Variants in CACNA2D3 observed in about 807,000 individuals in gnomAD.
CACNA2D3 encodes the protein voltage-dependent calcium channel subunit alpha-2/delta-3.
CACNA2D3 carries 60 observed loss-of-function variants against 160.6 expected under a neutral mutation model. The observed-to-expected ratio is 0.37, with a 90% CI of 0.30 to 0.46. The LOEUF (loss-of-function observed/expected upper bound fraction) is 0.46. CACNA2D3 is among the 20% of genes least tolerant of loss of function. CACNA2D3 has a pLI of 1.00. For synonymous variants in CACNA2D3, 558 were observed against 492.9 expected, an observed-to-expected ratio of 1.13 and a Z score of -1.75; for missense variants, 1,205 against 1,365.0, an observed-to-expected ratio of 0.88 and a Z score of 1.85.
intron 4 of CACNA2D3, among the ~76,000 whole-genome samples, chr3:54,390,511 C>T (rs1699261116): frequency 6.6e-6 from 1 of 152,194 alleles, no homozygotes. Flanking sequence ...CCATTGTGGT[C>T]TGAACATAAG....
chr3:55,067,555 A>T (rs1482904896), intron 35 of CACNA2D3, among the ~76,000 whole-genome samples: 1 of 152,228 alleles, frequency 6.6e-6, no homozygotes, highest in Non-Finnish European at 1.5e-5. Flanking sequence ...TGTTTTAAGA[A>T]GACATTAATA....
intron 4 of CACNA2D3, among the ~76,000 whole-genome samples, chr3:54,401,641 A>G (rs565083580): frequency 4.6e-5 from 7 of 152,326 alleles, no homozygotes; most frequent in South Asian, 4.1e-4. Context: ...CAAGAATACT[A>G]TACCCATTAA....
intron 25 of CACNA2D3, chr3:54,894,517 A>G: frequency 2.2e-6 from 1 of 463,938 alleles, no homozygotes; most frequent in South Asian, 1.5e-5. Context: ...CCACCATCTC[A>G]TCTACCATGA....
At chr3:54,729,831 C>T (rs138653522) in intron 11 of CACNA2D3, among the ~76,000 whole-genome samples, 5,498 of 151,990 alleles carry the variant, frequency 0.036, 306 homozygotes, top group African/African-American at 0.13. Context: ...AACCCCATCT[C>T]TACTAAAAAT....
intron 3 of CACNA2D3, among the ~76,000 whole-genome samples, 185 bp downstream of exon 3, chr3:54,320,743 A>G (rs1363050537): frequency 1.3e-5 from 2 of 152,204 alleles, no homozygotes; most frequent in African/African-American, 4.8e-5. Context: ...TGCCCTTTTC[A>G]TAGAGGGTTC....
chr3:54,931,497 A>G (rs911158820), intron 27 of CACNA2D3, among the ~76,000 whole-genome samples: 1 of 152,164 alleles, frequency 6.6e-6, no homozygotes, highest in African/African-American at 2.4e-5. Context: ...AGGTGGCAAG[A>G]CAGCCATGCT....
rs369977808 is a variant in CACNA2D3 at position 54,701,471 on chromosome 3, TATAA to T, written c.1168-51125_1168-51122del. Among the ~76,000 whole-genome samples, 353 of 152,282 alleles carry T rather than the reference TATAA, an allele frequency of 2.3e-3. 5 individuals carry two copies. The highest frequency in any genetic ancestry group is 7.0e-3 in the African/African-American group (291 of 41,558). The stretch of plus-strand genomic sequence containing the variant: ...GTGCTTGAAAGATGTAAATATGTGT[TATAA>T]ATGTTTTTTTCCCTACAAAAGGTCA... On this transcript the variant is annotated intron_variant, in intron 11 of 37. Coordinates refer to ENST00000474759, the MANE Select transcript of CACNA2D3 (RefSeq NM_018398.3).
intron 11 of CACNA2D3, among the ~76,000 whole-genome samples, chr3:54,750,637 G>A (rs540647301): frequency 6.6e-6 from 1 of 152,254 alleles, no homozygotes; most frequent in African/African-American, 2.4e-5. Context: ...ACACTTAACT[G>A]GGCCTCAGTT....
At position 55,074,054 on chromosome 3, in the gene CACNA2D3, G is replaced by A; in HGVS notation, c.3184-60G>A. ...TTAGAGAGGGGGAGAGAGGTCTGGGGAAAGTTGAAGGTGTCCTGGAGTCTA... is the reference window on the plus strand; with the variant it reads ...TTAGAGAGGGGGAGAGAGGTCTGGGAAAAGTTGAAGGTGTCCTGGAGTCTA... On this transcript the variant is annotated intron_variant, in intron 37 of 37. Transcript: ENST00000474759. 9 of 1,403,244 alleles carry A rather than the reference G, an allele frequency of 6.4e-6. No homozygotes were observed. The South Asian group carries it at 1.0e-4, about 16-fold the overall frequency. 86.9% of individuals were successfully genotyped at this position (1,403,244 alleles called of 1,614,324 possible). A position where few individuals can be genotyped will look rare whatever the true frequency, so the allele number is the denominator to read the frequency against.
intron 13 of CACNA2D3, among the ~76,000 whole-genome samples, chr3:54,799,902 C>G (rs1422030945): frequency 6.6e-6 from 1 of 152,220 alleles, no homozygotes; most frequent in African/African-American, 2.4e-5. Context: ...TGGTACTTCT[C>G]TTCCTCTGTC....
At chr3:54,937,739 C>T (rs1236882971) in intron 27 of CACNA2D3, among the ~76,000 whole-genome samples, 1 of 151,918 alleles carries the variant, frequency 6.6e-6, no homozygotes, top group Non-Finnish European at 1.5e-5. Context: ...GAGACGAGGG[C>T]CATTCCAGGT....
intron 9 of CACNA2D3, among the ~76,000 whole-genome samples, chr3:54,584,586 G>A (rs976146290): frequency 6.6e-6 from 1 of 152,160 alleles, no homozygotes. Flanking sequence ...CATAGGAGAG[G>A]AGAGAGAGAA....
chr3:54,646,188 T>G (rs60609595), intron 11 of CACNA2D3, among the ~76,000 whole-genome samples: 1 of 7,328 alleles, frequency 1.4e-4, no homozygotes, highest in Non-Finnish European at 3.4e-4. Flanking sequence ...CCCTCCCTCC[T>G]TCCTTGCTTC....
At chr3:54,394,022 C>A (rs1699329011) in intron 4 of CACNA2D3, among the ~76,000 whole-genome samples, 1 of 152,182 alleles carries the variant, frequency 6.6e-6, no homozygotes, top group Non-Finnish European at 1.5e-5. Flanking sequence ...GTCTCACCAT[C>A]TGGGGGTCCA....
chr3:54,735,982 TATATATATATAC>T (rs1434250795), intron 11 of CACNA2D3, among the ~76,000 whole-genome samples: 1 of 121,906 alleles, frequency 8.2e-6, no homozygotes, highest in Non-Finnish European at 1.7e-5. Flanking sequence ...TCCATGCATG[TATATATATATAC>T]ATATATATAT....
At chr3:54,346,827 G>A (rs576045564) in intron 3 of CACNA2D3, among the ~76,000 whole-genome samples, 34 of 152,260 alleles carry the variant, frequency 2.2e-4, no homozygotes, top group African/African-American at 7.7e-4. Context: ...AAAATCTGCT[G>A]TGCTCTTGGC....
intron 31 of CACNA2D3, among the ~76,000 whole-genome samples, chr3:55,002,293 G>T (rs1703000040): frequency 6.6e-6 from 1 of 152,176 alleles, no homozygotes; most frequent in African/African-American, 2.4e-5. Context: ...CTCTCACCTG[G>T]CTCTGGCACA....
chr3:54,385,932 T>A (rs1450118134), intron 3 of CACNA2D3: 1 of 510,082 alleles, frequency 2.0e-6, no homozygotes, highest in Non-Finnish European at 3.9e-6. Flanking sequence ...AATGAGAGTT[T>A]TCTGTAATAT....
At chr3:54,602,092 G>T (rs944392526) in intron 9 of CACNA2D3, among the ~76,000 whole-genome samples, 15 of 152,160 alleles carry the variant, frequency 9.9e-5, no homozygotes, top group African/African-American at 3.6e-4. Flanking sequence ...TCCTGTCCCT[G>T]TGTCTGCAGC....
Sources: gnomAD v4.1 joint callset for allele counts (sites outside exome capture counted in the v4.1 genomes callset) on GRCh38, gnomAD v4.1.1 for gene constraint, MANE v1.5 for transcripts, NCBI Gene and HGNC (gene_info 2026-07-23, HGNC 2026-07-21) for gene names.